Variants in STX7 observed in about 807,000 individuals in gnomAD.
STX7 encodes the protein syntaxin 7, also known as syntaxin-7.
A neutral mutation model predicts 39.6 loss-of-function variants in STX7; 34 were observed. That is an observed-to-expected ratio of 0.86 (90% CI 0.65 to 1.14). STX7 has a LOEUF of 1.14. Among genes scored for constraint, STX7 ranks in the 50% most tolerant of loss-of-function variants. STX7 has a pLI of 0.00. For missense variants in STX7, 284 were observed against 310.4 expected (o/e 0.92, Z 0.64); for synonymous variants, 119 against 99.1 (o/e 1.20, Z -1.19).
At chr6:132,490,032 C>T (rs1453854872) in intron 2 of STX7, among the ~76,000 whole-genome samples, 1 of 152,184 alleles carries the variant, frequency 6.6e-6, no homozygotes, top group Non-Finnish European at 1.5e-5. Flanking sequence ...TTTATTCATC[C>T]TAACATTTTT....
rs779199584 is a variant in STX7, at chr6:132,461,845, T to C, written c.694-995A>G. 8.3e-5 allele frequency: 128 copies of C among 1,542,636 alleles called. No homozygotes were observed. The Middle Eastern group carries it at 5.2e-3, about 63-fold the overall frequency. On this transcript the variant is annotated intron_variant, in intron 9 of 9. Transcript: ENST00000367941. The stretch of plus-strand genomic sequence containing the variant: ...ATGGCGTTTGTACCTCACATCAACA[T>C]GCAGGAATCCTTTTTCTTACAAAGT...
intron 2 of STX7, among the ~76,000 whole-genome samples, chr6:132,494,872 AAG>A (rs2114451553): frequency 6.6e-6 from 1 of 152,346 alleles, no homozygotes; most frequent in African/African-American, 2.4e-5. Flanking sequence ...AGAAGACGGA[AAG>A]AGGCAGGAAT....
intron 9 of STX7, 48 bp downstream of exon 9, chr6:132,463,945 A>G: frequency 1.3e-6 from 2 of 1,558,444 alleles, no homozygotes; most frequent in Non-Finnish European, 1.8e-6. Flanking sequence ...ACACACACAC[A>G]CATACGAAAA....
At chr6:132,468,357 C>A in intron 8 of STX7, 46 bp downstream of exon 8, 1 of 1,414,334 alleles carries the variant, frequency 7.1e-7, no homozygotes, top group Non-Finnish European at 1.0e-6. Context: ...AGGTAAAGTG[C>A]ATGTAGCTTG....
intron 9 of STX7, among the ~76,000 whole-genome samples, chr6:132,463,648 A>G (rs988336139): frequency 1.2e-4 from 18 of 152,306 alleles, no homozygotes; most frequent in Non-Finnish European, 2.5e-4. Flanking sequence ...GAGCAGCAAG[A>G]AATGGGAAGG....
At chr6:132,509,898 C>T (rs931678888) in intron 1 of STX7, among the ~76,000 whole-genome samples, 1 of 152,172 alleles carries the variant, frequency 6.6e-6, no homozygotes, top group African/African-American at 2.4e-5. Context: ...GTCTCCATTA[C>T]CTAGCCCAGA....
At chr6:132,481,441 A>T (rs1775014385) in intron 2 of STX7, among the ~76,000 whole-genome samples, 1 of 152,210 alleles carries the variant, frequency 6.6e-6, no homozygotes, top group Admixed American at 6.5e-5. Context: ...AGTCACTATC[A>T]CTAACAATCT....
intron 3 of STX7, among the ~76,000 whole-genome samples, chr6:132,474,842 T>C (rs1050745471): frequency 7.9e-5 from 12 of 152,224 alleles, no homozygotes; most frequent in East Asian, 1.9e-4. Context: ...ATATGTACTA[T>C]ATAATTCATT....
In STX7 at chr6:132,466,939, C is replaced by T. The variant is rs145523152; in HGVS notation, c.610+1464G>A. Among the ~76,000 whole-genome samples, 1,029 of 152,264 alleles carry T rather than the reference C, an allele frequency of 6.8e-3. 8 individuals are homozygous for T. The highest frequency in any genetic ancestry group is 0.014 in the Middle Eastern group (4 of 294). Reference sequence around the variant, plus strand: ...TACCCAGCCAGTCAGTAAATCTTTTCGGCTGTCCACTTAAAAAATATCTGA... The same window carrying T: ...TACCCAGCCAGTCAGTAAATCTTTTTGGCTGTCCACTTAAAAAATATCTGA... On this transcript the variant is annotated intron_variant, in intron 8 of 9. Coordinates refer to ENST00000367941, the MANE Select transcript of STX7 (RefSeq NM_003569.3).
intron 1 of STX7, among the ~76,000 whole-genome samples, chr6:132,509,454 T>TAAAATAAA (rs1271563216): frequency 0.013 from 43 of 3,292 alleles, 5 homozygotes; most frequent in African/African-American, 0.024. Context: ...CGTCTCAAAA[T>TAAAATAAA]AACATAACAT....
rs1166846149 is a variant in STX7, at chr6:132,448,228, T to C, written c.*12530A>G. Reference sequence around the variant, plus strand: ...CTAGTATTTTAATTACGCTCTTTTTTACTCCACAGAGTAAATACTTCTTAA... The same window carrying C: ...CTAGTATTTTAATTACGCTCTTTTTCACTCCACAGAGTAAATACTTCTTAA... On this transcript the variant is annotated 3_prime_UTR_variant, in exon 10 of 10. Coordinates refer to ENST00000367941, the MANE Select transcript of STX7 (RefSeq NM_003569.3). 6.6e-6 allele frequency: 1 copy of C among 152,224 alleles called. No homozygotes were observed. The highest frequency in any genetic ancestry group is 1.9e-4 in the East Asian group (1 of 5,204). The allele number at this position is 152,224 out of a possible 1,614,324, so 9.4% of individuals were successfully genotyped here.
intron 1 of STX7, among the ~76,000 whole-genome samples, chr6:132,511,420 T>C (rs79207740): frequency 0.014 from 2,061 of 152,286 alleles, 46 homozygotes; most frequent in African/African-American, 0.047. Flanking sequence ...AAGTGAGAAC[T>C]CACCACTGGT....
rs79193884 is a variant in STX7 at position 132,456,937 on chromosome 6, C to A, written c.*3821G>T. On this transcript the variant is annotated 3_prime_UTR_variant, in exon 10 of 10. Coordinates refer to ENST00000367941, the MANE Select transcript of STX7 (RefSeq NM_003569.3). ...AGGCCACTGCAGACAGAAGTGTAGG[C>A]GGGCAGAGGACATGAGTTTCACAGC... The A allele has an allele frequency of 6.6e-6, 1 of 152,290 alleles. No homozygotes were observed. The highest frequency in any genetic ancestry group is 1.5e-5 in the Non-Finnish European group (1 of 68,098). The allele number at this position is 152,290 out of a possible 1,614,324, so 9.4% of individuals were successfully genotyped here.
At chr6:132,478,278 A>G (rs1462820591) in intron 2 of STX7, among the ~76,000 whole-genome samples, 1 of 152,194 alleles carries the variant, frequency 6.6e-6, no homozygotes, top group Non-Finnish European at 1.5e-5. Context: ...ATGCATATCA[A>G]TTTTGCAAAG....
chr6:132,486,836 T>C lies in STX7; in HGVS notation c.86-11174A>G, dbSNP rs1024115612. ...GCCCGCCACCATGCCCAGCTAATTTTTTGTACTTTTAGTAGAGACAGAGTT... is the reference window on the plus strand; with the variant it reads ...GCCCGCCACCATGCCCAGCTAATTTCTTGTACTTTTAGTAGAGACAGAGTT... On this transcript the variant is annotated intron_variant, in intron 2 of 9. Transcript: ENST00000367941. Among the ~76,000 whole-genome samples the C allele has an allele frequency of 5.3e-5, 8 of 152,026 alleles. 1 individual carries two copies. The highest frequency in any genetic ancestry group is 5.2e-4 in the Admixed American group (8 of 15,264).
In STX7 at chr6:132,458,647, A is replaced by G. The variant is rs1293918759; in HGVS notation, c.*2111T>C. The G allele has an allele frequency of 6.6e-6, 1 of 152,222 alleles. No individual in the cohort carries two copies. The highest frequency in any genetic ancestry group is 1.5e-5 in the Non-Finnish European group (1 of 68,040). The allele number at this position is 152,222 out of a possible 1,614,324, so 9.4% of individuals were successfully genotyped here. ...TTCACAGCAGTTCTAAAACTGACCTACAGAAAAGTTCAAGATTTTTTAAAA... is the reference window on the plus strand; with the variant it reads ...TTCACAGCAGTTCTAAAACTGACCTGCAGAAAAGTTCAAGATTTTTTAAAA... On this transcript the variant is annotated 3_prime_UTR_variant, in exon 10 of 10. Transcript: ENST00000367941.
chr6:132,491,287 T>G (rs1156829384), intron 2 of STX7, among the ~76,000 whole-genome samples: 1 of 146,760 alleles, frequency 6.8e-6, no homozygotes, highest in Non-Finnish European at 1.5e-5. Flanking sequence ...AAAAAAAAAC[T>G]CAATGAAGTA....
Position 132,449,793 on chromosome 6 carries a change from T to C in STX7, c.*10965A>G, listed in dbSNP as rs1439450558. 1 of 152,248 alleles carries C rather than the reference T, an allele frequency of 6.6e-6. No individual in the cohort carries two copies. Among genetic ancestry groups the C allele is most frequent in the African/African-American group, 2.4e-5 (1 of 41,474 alleles). The allele number at this position is 152,248 out of a possible 1,614,324, so 9.4% of individuals were successfully genotyped here. On this transcript the variant is annotated 3_prime_UTR_variant, in exon 10 of 10. Transcript: ENST00000367941. ...TTAATTCATACATTATTTAAACATA[T>C]AACTGTTATTCTACTTCTGCTAATT...
At chr6:132,463,474 C>T (rs1487471929) in intron 9 of STX7, among the ~76,000 whole-genome samples, 1 of 152,166 alleles carries the variant, frequency 6.6e-6, no homozygotes, top group African/African-American at 2.4e-5. Flanking sequence ...GAAATAAATT[C>T]ATTCCTGGTG....
Sources: allele counts gnomAD v4.1 joint callset (sites outside exome capture counted in the v4.1 genomes callset), GRCh38; gene constraint gnomAD v4.1.1; transcripts MANE v1.5; gene names NCBI Gene and HGNC (gene_info 2026-07-23, HGNC 2026-07-21).